ULK4: variants seen among roughly 807,000 people sequenced by gnomAD.
ULK4 encodes the protein inactive serine/threonine-protein kinase ULK4.
In ULK4, 133 loss-of-function variants were observed where a neutral mutation model predicts 160.6. The observed-to-expected ratio is 0.83, with a 90% CI of 0.72 to 0.96. ULK4 has a LOEUF of 0.96. ULK4 is among the 40% of genes least tolerant of loss of function. The probability of loss-of-function intolerance (pLI) is 0.00; values close to 1 mark genes in which losing one functional copy is unlikely to be tolerated. For missense variants in ULK4, 1,580 were observed against 1,499.5 expected (o/e 1.05, Z -0.89); for synonymous variants, 534 against 539.8 (o/e 0.99, Z 0.15).
intron 17 of ULK4, among the ~76,000 whole-genome samples, chr3:41,850,750 C>T (rs1291640675): frequency 3.3e-5 from 5 of 152,158 alleles, no homozygotes; most frequent in African/African-American, 4.8e-5. Context: ...TTCTCCCATT[C>T]TGTAGGTTGC....
At position 41,639,964 on chromosome 3, in the gene ULK4, T is replaced by C. The variant is rs566403682; in HGVS notation, c.3071+23643A>G. ...CTGTGTATTATGGTAAATGACAAAG[T>C]AGACTGACTGCTTTGAGGCCAGACC... On this transcript the variant is annotated intron_variant, in intron 30 of 36. Coordinates refer to ENST00000301831, the MANE Select transcript of ULK4 (RefSeq NM_017886.4). Among the ~76,000 whole-genome samples the C allele has an allele frequency of 6.6e-5, 10 of 152,296 alleles. No individual in the cohort carries two copies. In the South Asian group the frequency reaches 1.5e-3, roughly 22 times the overall value.
intron 35 of ULK4, among the ~76,000 whole-genome samples, chr3:41,336,693 T>C (rs981952943): frequency 5.3e-5 from 8 of 152,150 alleles, no homozygotes; most frequent in Non-Finnish European, 1.2e-4. Context: ...ACTAACTCTC[T>C]TGGATAGGTC....
chr3:41,941,842 T>C (rs1699971084), intron 2 of ULK4, among the ~76,000 whole-genome samples: 1 of 151,052 alleles, frequency 6.6e-6, no homozygotes, highest in East Asian at 1.9e-4. Flanking sequence ...GGTGACCATG[T>C]TTAAGGACTC....
At chr3:41,573,007 A>G (rs557263121) in intron 31 of ULK4, among the ~76,000 whole-genome samples, 1 of 152,284 alleles carries the variant, frequency 6.6e-6, no homozygotes, top group African/African-American at 2.4e-5. Context: ...TAAGATTATG[A>G]CGAAAATATT....
chr3:41,703,870 AC>A (rs1559496409), intron 27 of ULK4, among the ~76,000 whole-genome samples: 4,151 of 138,198 alleles, frequency 0.03, 189 homozygotes, highest in African/African-American at 0.11. Context: ...ACACACACAC[AC>A]ACACAAGTTA....
At position 41,927,693 on chromosome 3, in the gene ULK4, C is replaced by T. The variant is rs1490589111; in HGVS notation, c.541+4151G>A. ...TGGAAAGCAAAAAAAAAAAAAAAAG[C>T]AGGGGTTGCAATCCTGATCTCTGAT... On this transcript the variant is annotated intron_variant, in intron 5 of 36. Coordinates refer to ENST00000301831, the MANE Select transcript of ULK4 (RefSeq NM_017886.4). Among the ~76,000 whole-genome samples the T allele has an allele frequency of 8.0e-5, 10 of 125,704 alleles. No individual in the cohort carries two copies. In the South Asian group the frequency reaches 2.6e-3, roughly 32 times the overall value. The allele number at this position is 125,704 out of a possible 152,430, so 82.5% of individuals were successfully genotyped here. A position where few individuals can be genotyped will look rare whatever the true frequency, so the allele number is the denominator to read the frequency against.
chr3:41,374,983 T>C (rs184187207), intron 35 of ULK4, among the ~76,000 whole-genome samples: 2 of 151,304 alleles, frequency 1.3e-5, no homozygotes, highest in African/African-American at 2.4e-5. Context: ...AGCATTCTTA[T>C]ACACCAGTAA....
At chr3:41,581,321 GA>G (rs1025960435) in intron 31 of ULK4, among the ~76,000 whole-genome samples, 4 of 151,980 alleles carry the variant, frequency 2.6e-5, no homozygotes, top group Admixed American at 2.6e-4. Context: ...ATATAGAATG[GA>G]AAAAACAGAG....
At chr3:41,523,657 G>A (rs1031367944) in intron 32 of ULK4, among the ~76,000 whole-genome samples, 5 of 152,088 alleles carry the variant, frequency 3.3e-5, no homozygotes, top group African/African-American at 1.2e-4. Flanking sequence ...TGGAGAAACT[G>A]GAGTCCATAC....
intron 12 of ULK4, among the ~76,000 whole-genome samples, chr3:41,902,828 T>C (rs1575918532): frequency 6.6e-6 from 1 of 152,346 alleles, no homozygotes; most frequent in African/African-American, 2.4e-5. Flanking sequence ...AAAAGCTTTG[T>C]TTTCTTCATC....
chr3:41,938,131 T>G lies in ULK4; in HGVS notation c.205A>C (p.Asn69His). 6.2e-7 allele frequency: 1 copy of G among 1,613,606 alleles called. No homozygotes were observed. Among genetic ancestry groups the G allele is most frequent in the Non-Finnish European group, 8.5e-7 (1 of 1,179,724 alleles). Reference sequence around the variant, plus strand: ...AGTTCCACCACTAGCCAGAGGTGGTTGCTTGTTTCATACCATTCATGAAAA... The same window carrying G: ...AGTTCCACCACTAGCCAGAGGTGGTGGCTTGTTTCATACCATTCATGAAAA... The part of the protein sequence containing the change: ...VTFHEWYETS[N>H]HLWLVVELCT... The change falls in exon 3 of 37, where the codon AAC becomes CAC. Residue 69 changes from asparagine to histidine, a missense_variant. Transcript: ENST00000301831.
intron 2 of ULK4, among the ~76,000 whole-genome samples, chr3:41,949,282 C>T (rs1001878033): frequency 6.6e-6 from 1 of 151,838 alleles, no homozygotes; most frequent in African/African-American, 2.4e-5. Flanking sequence ...GAACTCCTGC[C>T]TGGATAGACT....
chr3:41,655,492 C>T (rs550917595), intron 30 of ULK4, among the ~76,000 whole-genome samples: 333 of 151,752 alleles, frequency 2.2e-3, no homozygotes, highest in African/African-American at 7.7e-3. Context: ...CAAATCTGTA[C>T]GTTGTGCACA....
chr3:41,335,163 G>A (rs528099392), intron 35 of ULK4, among the ~76,000 whole-genome samples: 22 of 152,256 alleles, frequency 1.4e-4, no homozygotes, highest in South Asian at 1.2e-3. Context: ...CAAGTAGAAC[G>A]GATAATTAAG....
chr3:41,431,355 A>AAATAATAATAATAATAAT (rs57010705), intron 34 of ULK4, among the ~76,000 whole-genome samples: 1 of 139,124 alleles, frequency 7.2e-6, no homozygotes, highest in Non-Finnish European at 1.5e-5. Context: ...ACACACACAC[A>AAATAATAATAATAATAAT]AATAATAATA....
chr3:41,780,149 C>T (rs1399122755), intron 21 of ULK4, among the ~76,000 whole-genome samples: 4 of 151,286 alleles, frequency 2.6e-5, no homozygotes, highest in Non-Finnish European at 5.9e-5. Context: ...CAGTCTCTAC[C>T]GAAAATACAA....
At chr3:41,681,272 G>A in intron 29 of ULK4, among the ~76,000 whole-genome samples, 1 of 152,068 alleles carries the variant, frequency 6.6e-6, no homozygotes, top group East Asian at 1.9e-4. Flanking sequence ...CATGTTTCTG[G>A]CAAAAAACAG....
chr3:41,949,746 T>C (rs1700226836), intron 2 of ULK4, among the ~76,000 whole-genome samples: 1 of 145,890 alleles, frequency 6.9e-6, no homozygotes, highest in Non-Finnish European at 1.5e-5. Context: ...TTTTTTTTTC[T>C]TTCTTTTTTT....
intron 35 of ULK4, among the ~76,000 whole-genome samples, chr3:41,393,578 T>C (rs534894551): frequency 2.0e-5 from 3 of 152,284 alleles, no homozygotes; most frequent in East Asian, 1.9e-4. Flanking sequence ...TTCTCCACCA[T>C]AGCACTGATT....
Sources: allele counts gnomAD v4.1 joint callset (sites outside exome capture counted in the v4.1 genomes callset), GRCh38; gene constraint gnomAD v4.1.1; transcripts MANE v1.5; gene names NCBI Gene and HGNC (gene_info 2026-07-23, HGNC 2026-07-21).